CPQ: variants seen among roughly 807,000 people sequenced by gnomAD.
CPQ encodes Ser-Met dipeptidase.
Under a neutral mutation model 45.7 loss-of-function variants are expected in CPQ, and 37 were observed. The ratio of observed to expected loss-of-function variants is 0.81; its 90% CI spans 0.62 to 1.07. CPQ has a LOEUF of 1.07. Among genes scored for constraint, CPQ ranks in the 50% least tolerant of loss-of-function variants. The probability of loss-of-function intolerance (pLI) is 0.00; values close to 1 mark genes in which losing one functional copy is unlikely to be tolerated. For missense variants in CPQ, 537 were observed against 572.9 expected, an observed-to-expected ratio of 0.94 and a Z score of 0.64; for synonymous variants, 186 against 205.8, an observed-to-expected ratio of 0.90 and a Z score of 0.82.
At chr8:96,947,365 TG>T (rs1813205024) in intron 4 of CPQ, among the ~76,000 whole-genome samples, 1 of 152,136 alleles carries the variant, frequency 6.6e-6, no homozygotes, top group Non-Finnish European at 1.5e-5. Context: ...ACAAAGAAAT[TG>T]CCTAAATGAC....
At chr8:97,096,924 T>C (rs939845585) in intron 7 of CPQ, among the ~76,000 whole-genome samples, 1 of 152,226 alleles carries the variant, frequency 6.6e-6, no homozygotes, top group African/African-American at 2.4e-5. Context: ...CTTCTGTCCG[T>C]ACCTATTTCT....
intron 1 of CPQ, among the ~76,000 whole-genome samples, chr8:96,697,914 A>G (rs919238907): frequency 6.6e-6 from 1 of 152,150 alleles, no homozygotes; most frequent in African/African-American, 2.4e-5. Context: ...ATACTGTTAA[A>G]ATTTCCATAC....
intron 1 of CPQ, among the ~76,000 whole-genome samples, chr8:96,754,360 G>A (rs1414630861): frequency 6.6e-6 from 1 of 151,960 alleles, no homozygotes; most frequent in African/African-American, 2.4e-5. Context: ...ACTCACAATA[G>A]ATTCCATTCC....
chr8:97,114,369 A>G (rs1811547901), intron 7 of CPQ, among the ~76,000 whole-genome samples: 1 of 152,214 alleles, frequency 6.6e-6, no homozygotes, highest in Non-Finnish European at 1.5e-5. Flanking sequence ...GAGCAGCTGT[A>G]TGAACTTGAG....
chr8:97,132,812 C>G (rs1356249978), intron 7 of CPQ: 1 of 152,190 alleles, frequency 6.6e-6, no homozygotes, highest in Non-Finnish European at 1.5e-5. Context: ...AAGGCATTTA[C>G]AAGGAGTCAT....
chr8:96,966,707 C>G (rs1813571230), intron 5 of CPQ, among the ~76,000 whole-genome samples: 1 of 152,164 alleles, frequency 6.6e-6, no homozygotes, highest in South Asian at 2.1e-4. Context: ...CTAATATAAA[C>G]TAATAAAAAT....
chr8:96,736,499 A>G (rs990618450), intron 1 of CPQ, among the ~76,000 whole-genome samples: 1 of 152,168 alleles, frequency 6.6e-6, no homozygotes, highest in Non-Finnish European at 1.5e-5. Flanking sequence ...TCATAGGGTC[A>G]CTTTTATGAC....
At chr8:96,744,818 G>A (rs1016723153) in intron 1 of CPQ, among the ~76,000 whole-genome samples, 1 of 152,106 alleles carries the variant, frequency 6.6e-6, no homozygotes, top group Admixed American at 6.6e-5. Context: ...CATTGATCAT[G>A]ATTAATATTA....
chr8:96,804,530 C>T (rs1811052695), intron 2 of CPQ, among the ~76,000 whole-genome samples: 1 of 151,206 alleles, frequency 6.6e-6, no homozygotes, highest in Non-Finnish European at 1.5e-5. Context: ...TTATTTGATA[C>T]AAGAATTCCT....
chr8:97,116,717 A>C (rs1586548883), intron 7 of CPQ, among the ~76,000 whole-genome samples: 1 of 152,246 alleles, frequency 6.6e-6, no homozygotes, highest in Admixed American at 6.5e-5. Context: ...GAACATGTAG[A>C]GATTTGGATT....
At position 96,945,943 on chromosome 8, in the gene CPQ, A is replaced by G. The variant is rs184249116; in HGVS notation, c.850-19992A>G. ...ATTGTAGTCAGCTCAAGTGACTTCCAGGTGACTTGCCTTCAGCAGTGGCTG... is the reference window on the plus strand; with the variant it reads ...ATTGTAGTCAGCTCAAGTGACTTCCGGGTGACTTGCCTTCAGCAGTGGCTG... On this transcript the variant is annotated intron_variant, in intron 4 of 7. Transcript: ENST00000220763. Among the ~76,000 whole-genome samples the G allele has an allele frequency of 3.9e-3, 596 of 152,322 alleles. 4 individuals are homozygous for G. Among genetic ancestry groups the G allele is most frequent in the African/African-American group, 0.014 (584 of 41,590 alleles).
intron 1 of CPQ, among the ~76,000 whole-genome samples, chr8:96,686,718 C>CT (rs199658148): frequency 7.2e-4 from 109 of 150,422 alleles, no homozygotes; most frequent in Admixed American, 9.3e-4. Context: ...TGAAGATTTT[C>CT]TTTTTTTTTC....
At chr8:96,843,169 G>A (rs1003450266) in intron 3 of CPQ, among the ~76,000 whole-genome samples, 1 of 152,148 alleles carries the variant, frequency 6.6e-6, no homozygotes, top group Non-Finnish European at 1.5e-5. Flanking sequence ...GGCTCCCAAA[G>A]TACTGAGATT....
At chr8:96,653,251 C>T (rs1284265651) in intron 1 of CPQ, among the ~76,000 whole-genome samples, 1 of 152,048 alleles carries the variant, frequency 6.6e-6, no homozygotes, top group African/African-American at 2.4e-5. Context: ...CTGTCTTTTT[C>T]ATAATAGCCA....
intron 5 of CPQ, among the ~76,000 whole-genome samples, chr8:96,987,100 TA>T (rs1808999223): frequency 1.3e-5 from 2 of 152,054 alleles, no homozygotes; most frequent in South Asian, 4.1e-4. Context: ...CTGCTTGTAT[TA>T]AAAGGCATTT....
rs567832215 is a variant in CPQ, at chr8:97,110,287, A to G, written c.1256-32733A>G. Among the ~76,000 whole-genome samples the G allele has an allele frequency of 3.3e-5, 5 of 152,300 alleles. No homozygotes were observed. In the East Asian group the frequency reaches 7.7e-4, roughly 23 times the overall value. ...TTCTGAGATTCATCCACGCTGTTGC[A>G]TTTATCAATAATTCATTCTTTTTGA... On this transcript the variant is annotated intron_variant, in intron 7 of 7. Transcript: ENST00000220763.
intron 5 of CPQ, among the ~76,000 whole-genome samples, chr8:97,000,720 G>T (rs1809264076): frequency 6.6e-6 from 1 of 151,948 alleles, no homozygotes; most frequent in Admixed American, 6.6e-5. Flanking sequence ...TTGGCTATTT[G>T]GGCTCTTTTT....
At chr8:96,802,092 C>T (rs964107721) in intron 2 of CPQ, among the ~76,000 whole-genome samples, 1 of 151,870 alleles carries the variant, frequency 6.6e-6, no homozygotes, top group Admixed American at 6.6e-5. Context: ...CTCTTTATCT[C>T]CCTCTCCCTT....
intron 5 of CPQ, among the ~76,000 whole-genome samples, chr8:96,999,787 G>C (rs1379320296): frequency 6.6e-6 from 1 of 151,968 alleles, no homozygotes; most frequent in African/African-American, 2.4e-5. Context: ...TGGCATTTCT[G>C]TCTTTAGGTC....
Sources: gnomAD v4.1 joint callset for allele counts (sites outside exome capture counted in the v4.1 genomes callset) on GRCh38, gnomAD v4.1.1 for gene constraint, MANE v1.5 for transcripts, NCBI Gene and HGNC (gene_info 2026-07-23, HGNC 2026-07-21) for gene names.